The following WDFY3 variants were observed in gnomAD, a reference collection of about 807,000 sequenced individuals.
WDFY3 encodes the protein WD repeat and FYVE domain-containing protein 3.
Under a neutral mutation model 409.6 loss-of-function variants are expected in WDFY3, and 66 were observed. The observed-to-expected ratio is 0.16, with a 90% CI of 0.13 to 0.20. The LOEUF is 0.20. Ranked by LOEUF, WDFY3 falls within the 10% of genes least tolerant of loss-of-function variation. WDFY3 has a pLI of 1.00. For synonymous variants in WDFY3, 1,521 were observed against 1,537.1 expected (o/e 0.99, Z 0.25); for missense variants, 3,031 against 4,298.1 (o/e 0.71, Z 8.24).
intron 21 of WDFY3, among the ~76,000 whole-genome samples, chr4:84,792,367 A>G (rs1028791257): frequency 6.6e-6 from 1 of 152,212 alleles, no homozygotes; most frequent in African/African-American, 2.4e-5. Flanking sequence ...AAATATGAAC[A>G]TATGGGTGAA....
intron 24 of WDFY3, among the ~76,000 whole-genome samples, chr4:84,783,507 A>G (rs1465669101): frequency 6.6e-6 from 1 of 152,198 alleles, no homozygotes; most frequent in Non-Finnish European, 1.5e-5. Flanking sequence ...CAAAGTGTGG[A>G]AACTCACAGG....
Position 84,775,076 on chromosome 4 carries a change from G to A in WDFY3, c.4581C>T (p.Leu1527=). The change falls in exon 28 of 68, where the codon CTC becomes CTT. Residue 1527 remains leucine (L), a synonymous_variant. Transcript: ENST00000295888. The stretch of plus-strand genomic sequence containing the variant: ...GTATTAATTAATACCTGGACTCTGT[G>A]AGCAGTTCAATAAAGTGTTCAAATA... ...LSLFEHFIEL[L]TESSEASKNA... The A allele has an allele frequency of 6.2e-7, 1 of 1,613,630 alleles. No individual in the cohort carries two copies. Among genetic ancestry groups the A allele is most frequent in the Non-Finnish European group, 8.5e-7 (1 of 1,179,822 alleles).
At chr4:84,879,725 T>C (rs949879682) in intron 3 of WDFY3, among the ~76,000 whole-genome samples, 2 of 152,202 alleles carry the variant, frequency 1.3e-5, no homozygotes, top group Non-Finnish European at 1.5e-5. Context: ...TTGCAACATC[T>C]ATAATGAACA....
intron 3 of WDFY3, among the ~76,000 whole-genome samples, chr4:84,869,367 C>T (rs900967815): frequency 1.7e-4 from 26 of 152,214 alleles, no homozygotes; most frequent in African/African-American, 5.5e-4. Context: ...TCTTCACGCC[C>T]CCTGCATTCC....
chr4:84,754,374 G>C (rs988194556), intron 34 of WDFY3, among the ~76,000 whole-genome samples: 1 of 152,158 alleles, frequency 6.6e-6, no homozygotes, highest in Non-Finnish European at 1.5e-5. Context: ...TACCTGCCCA[G>C]AGAGTATCTT....
At chr4:84,895,879 G>GC in intron 3 of WDFY3, among the ~76,000 whole-genome samples, 1 of 152,254 alleles carries the variant, frequency 6.6e-6, no homozygotes, top group Non-Finnish European at 1.5e-5. Context: ...CAATGGTAGT[G>GC]CCATTAATTA....
In WDFY3 at chr4:84,692,898, T is replaced by C. The variant is rs1418992352; in HGVS notation, c.9036A>G (p.Leu3012=). The C allele has an allele frequency of 6.2e-7, 1 of 1,607,598 alleles. No homozygotes were observed. Among genetic ancestry groups the C allele is most frequent in the Non-Finnish European group, 8.5e-7 (1 of 1,178,700 alleles). Reference sequence around the variant, plus strand: ...TCATTATTTTACCTTTTACAGGTGTTAGAGAAGGCCTCAAGTTGTCTAGAT... The same window carrying C: ...TCATTATTTTACCTTTTACAGGTGTCAGAGAAGGCCTCAAGTTGTCTAGAT... ...FHHLDNLRPS[L]TPVKELKEPV... The change falls in exon 59 of 68, where the codon CTA becomes CTG. Residue 3012 remains leucine (L), a synonymous_variant. Transcript: ENST00000295888.
intron 5 of WDFY3, 172 bp downstream of exon 5, chr4:84,849,730 G>T: frequency 1.2e-6 from 1 of 837,094 alleles, no homozygotes; most frequent in Non-Finnish European, 1.8e-6. Flanking sequence ...CTGGAGAGTT[G>T]AAGATGCTGA....
chr4:84,816,142 G>A (rs1753266663), intron 13 of WDFY3, among the ~76,000 whole-genome samples: 1 of 151,994 alleles, frequency 6.6e-6, no homozygotes, highest in Non-Finnish European at 1.5e-5. Flanking sequence ...AATCAAGGAG[G>A]CCTGAATCCT....
Position 84,756,935 on chromosome 4 carries a change from CTGCTTA to C in WDFY3, c.5409_5414del (p.Ser1803_Gln1805delinsArg). 8 of 1,613,770 alleles carry C rather than the reference CTGCTTA, an allele frequency of 5.0e-6. No individual in the cohort carries two copies. The highest frequency in any genetic ancestry group is 6.8e-6 in the Non-Finnish European group (8 of 1,179,732). On this transcript the variant is annotated inframe_deletion, in exon 33 of 68. Coordinates refer to ENST00000295888, the MANE Select transcript of WDFY3 (RefSeq NM_014991.6). ...GCTAGATAATTCCTACCTGGCAACCCTGCTTACTCCGGCAGCTGATGACAGGCACAC... is the reference window on the plus strand; with the variant it reads ...GCTAGATAATTCCTACCTGGCAACCCCTCCGGCAGCTGATGACAGGCACAC...
chr4:84,797,277 A>C (rs542732581), intron 18 of WDFY3, among the ~76,000 whole-genome samples: 76 of 152,240 alleles, frequency 5.0e-4, no homozygotes, highest in African/African-American at 1.8e-3. Context: ...CATGATCGTA[A>C]AAGTACTTTA....
intron 3 of WDFY3, among the ~76,000 whole-genome samples, chr4:84,880,427 A>G (rs530418090): frequency 2.6e-5 from 4 of 152,016 alleles, no homozygotes; most frequent in African/African-American, 9.6e-5. Context: ...CCAAATTAGT[A>G]AAGATGTGAA....
At chr4:84,785,684 C>T (rs1747429931) in intron 24 of WDFY3, among the ~76,000 whole-genome samples, 1 of 152,018 alleles carries the variant, frequency 6.6e-6, no homozygotes, top group Non-Finnish European at 1.5e-5. Flanking sequence ...TGAGTTGTAG[C>T]CTTAAAAACA....
At chr4:84,721,308 G>C in intron 47 of WDFY3, 101 bp downstream of exon 47, 1 of 1,468,458 alleles carries the variant, frequency 6.8e-7, no homozygotes, top group Non-Finnish European at 9.2e-7. Context: ...TTATTACCGA[G>C]GCTAATGCAT....
At chr4:84,911,346 A>T (rs1396154490) in intron 2 of WDFY3, among the ~76,000 whole-genome samples, 1 of 152,088 alleles carries the variant, frequency 6.6e-6, no homozygotes, top group Non-Finnish European at 1.5e-5. Flanking sequence ...ATATTAGCTG[A>T]GCATGTGGCA....
chr4:84,766,443 G>C (rs1213540365), intron 30 of WDFY3, 71 bp from the exon 31 acceptor site: 47 of 1,419,596 alleles, frequency 3.3e-5, no homozygotes, highest in South Asian at 4.1e-5. Context: ...CATAGTTCTT[G>C]GAAAGTTTAC....
chr4:84,932,940 T>C (rs970271824), intron 1 of WDFY3, among the ~76,000 whole-genome samples: 6 of 152,182 alleles, frequency 3.9e-5, no homozygotes, highest in Non-Finnish European at 5.9e-5. Flanking sequence ...TACCAGTCAA[T>C]ATTTCAATAT....
In WDFY3 at chr4:84,765,912, T is replaced by C. The variant is rs767959369; in HGVS notation, c.5086A>G (p.Ser1696Gly). ...AAMRILVVLL[S>G]NQSILIKFKE... ...AACTTGATGAGAATAGACTGATTAC[T>C]TAGTAGGACAACAAGAATCCTCATG... The change falls in exon 32 of 68, where the codon AGT becomes GGT. Residue 1696 changes from serine (S) to glycine (G), a missense_variant. By Grantham distance (56) the Ser-to-Gly change is moderately conservative. This residue lies in a region of WDFY3 where 342 missense variants were observed against 463.7 expected (regional missense o/e 0.74). Transcript: ENST00000295888. 1 of 1,614,010 alleles carries C rather than the reference T, an allele frequency of 6.2e-7. No homozygotes were observed. The highest frequency in any genetic ancestry group is 8.5e-7 in the Non-Finnish European group (1 of 1,179,948).
chr4:84,961,909 A>G (rs902776063), intron 1 of WDFY3, among the ~76,000 whole-genome samples: 9 of 152,218 alleles, frequency 5.9e-5, no homozygotes, highest in Non-Finnish European at 1.2e-4. Context: ...ACTGATATTA[A>G]TAAATATACA....
Sources: allele counts gnomAD v4.1 joint callset (sites outside exome capture counted in the v4.1 genomes callset), GRCh38; gene constraint gnomAD v4.1.1; regional missense constraint gnomAD v4.1.1; transcripts MANE v1.5; gene names NCBI Gene and HGNC (gene_info 2026-07-23, HGNC 2026-07-21).